The following BIRC2 variants were observed in gnomAD, a reference collection of about 807,000 sequenced individuals.
BIRC2 encodes the protein baculoviral IAP repeat containing 2, also known as baculoviral IAP repeat-containing protein 2.
In BIRC2, 18 loss-of-function variants were observed where a neutral mutation model predicts 60.9. That is an observed-to-expected ratio of 0.30 (90% CI 0.20 to 0.44). BIRC2 has a LOEUF of 0.44. Among genes scored for constraint, BIRC2 ranks in the 20% least tolerant of loss-of-function variants. BIRC2 has a pLI of 1.00. For missense variants in BIRC2, 701 were observed against 728.5 expected, an observed-to-expected ratio of 0.96 and a Z score of 0.43; for synonymous variants, 282 against 247.7, an observed-to-expected ratio of 1.14 and a Z score of -1.30.
chr11:102,360,476 A>C (rs1249005438), intron 3 of BIRC2, among the ~76,000 whole-genome samples: 67 of 149,862 alleles, frequency 4.5e-4, no homozygotes, highest in Non-Finnish European at 2.5e-4. Flanking sequence ...TCAGCTCCCG[A>C]ATTTGTTTCT....
At chr11:102,363,777 C>T in intron 5 of BIRC2, 61 bp downstream of exon 5, 3 of 1,396,820 alleles carry the variant, frequency 2.1e-6, no homozygotes, top group South Asian at 1.2e-5. Context: ...TAGGAATAGG[C>T]TGGGTGCAGT....
intron 3 of BIRC2, among the ~76,000 whole-genome samples, chr11:102,353,002 ATT>A (rs996002150): frequency 6.6e-6 from 1 of 152,160 alleles, no homozygotes; most frequent in Non-Finnish European, 1.5e-5. Flanking sequence ...ATCAAGATAA[ATT>A]TTGACTTTTT....
At position 102,362,882 on chromosome 11, in the gene BIRC2, C is replaced by G. The variant is rs754020380; in HGVS notation, c.996-14C>G. ...GAAACAATTTTAAAAAATAATTTTCCTCATATGTTTTAGGTGTGAGTTCTT... is the reference window on the plus strand; with the variant it reads ...GAAACAATTTTAAAAAATAATTTTCGTCATATGTTTTAGGTGTGAGTTCTT... On this transcript the variant is annotated splice_polypyrimidine_tract_variant and intron_variant, in intron 3 of 8. Coordinates refer to ENST00000227758, the MANE Select transcript of BIRC2 (RefSeq NM_001166.5). The G allele has an allele frequency of 8.1e-6, 13 of 1,597,318 alleles. No individual in the cohort carries two copies. Among genetic ancestry groups the G allele is most frequent in the Middle Eastern group, 1.7e-4 (1 of 6,028 alleles).
intron 1 of BIRC2, chr11:102,347,956 T>A (rs1951311185): frequency 6.6e-6 from 1 of 152,212 alleles, no homozygotes; most frequent in African/African-American, 2.4e-5. Flanking sequence ...ATCTTTCATT[T>A]AAAGATAGGA....
At chr11:102,366,480 C>T (rs1951554230) in intron 5 of BIRC2, among the ~76,000 whole-genome samples, 1 of 151,974 alleles carries the variant, frequency 6.6e-6, no homozygotes, top group South Asian at 2.1e-4. Flanking sequence ...CATTCTCTTG[C>T]CTCAGCCTCC....
At chr11:102,375,838 C>G (rs1377798369) in intron 6 of BIRC2, among the ~76,000 whole-genome samples, 1 of 151,372 alleles carries the variant, frequency 6.6e-6, no homozygotes, top group Non-Finnish European at 1.5e-5. Context: ...ATTTATTCAA[C>G]CAGACATCGG....
chr11:102,369,529 G>A (rs1951599351), intron 6 of BIRC2, among the ~76,000 whole-genome samples: 1 of 149,320 alleles, frequency 6.7e-6, no homozygotes, highest in African/African-American at 2.5e-5. Flanking sequence ...ATTCCATGGT[G>A]TATATGTGCC....
intron 6 of BIRC2, among the ~76,000 whole-genome samples, chr11:102,373,151 C>T (rs1347649144): frequency 3.7e-4 from 56 of 151,382 alleles, no homozygotes; most frequent in African/African-American, 1.2e-3. Context: ...TTAATTGGAG[C>T]ATTTAGTCCA....
intron 3 of BIRC2, among the ~76,000 whole-genome samples, chr11:102,352,719 C>G (rs937552525): frequency 2.0e-5 from 3 of 152,222 alleles, no homozygotes; most frequent in Admixed American, 2.0e-4. Context: ...GCATGAGCCA[C>G]TGCCCCCTGC....
chr11:102,351,023 C>A, intron 3 of BIRC2, 80 bp downstream of exon 3: 1 of 1,307,302 alleles, frequency 7.6e-7, no homozygotes, highest in Non-Finnish European at 1.1e-6. Context: ...TTTTGTTTAC[C>A]TTTAAATTAT....
intron 3 of BIRC2, 98 bp downstream of exon 3, chr11:102,351,041 C>T: frequency 4.6e-6 from 5 of 1,077,254 alleles, no homozygotes; most frequent in Non-Finnish European, 6.8e-6. Flanking sequence ...TATAACAAAG[C>T]CTCTTTTATG....
intron 3 of BIRC2, among the ~76,000 whole-genome samples, chr11:102,351,266 A>G (rs1177336965): frequency 6.6e-6 from 1 of 152,240 alleles, no homozygotes; most frequent in African/African-American, 2.4e-5. Flanking sequence ...CAGGAAAACA[A>G]GAAGGGACAT....
In BIRC2 at chr11:102,349,813, C is replaced by T. The variant is rs1565330019; in HGVS notation, c.-42C>T. 2.0e-6 allele frequency: 3 copies of T among 1,515,814 alleles called. No homozygotes were observed. Among genetic ancestry groups the T allele is most frequent in the Non-Finnish European group, 2.7e-6 (3 of 1,131,274 alleles). 93.9% of individuals were successfully genotyped at this position (1,515,814 alleles called of 1,614,324 possible). On this transcript the variant is annotated 5_prime_UTR_variant, in exon 2 of 9. Coordinates refer to ENST00000227758, the MANE Select transcript of BIRC2 (RefSeq NM_001166.5). Reference sequence around the variant, plus strand: ...AATCTTAGTTCATGTGAAGAAATTTCATGTGAATGTTTTAGCTATCAAACA... The same window carrying T: ...AATCTTAGTTCATGTGAAGAAATTTTATGTGAATGTTTTAGCTATCAAACA...
chr11:102,357,837 G>A (rs529163091), intron 3 of BIRC2, among the ~76,000 whole-genome samples: 1 of 152,030 alleles, frequency 6.6e-6, no homozygotes, highest in African/African-American at 2.4e-5. Context: ...TAAAATTACG[G>A]TGTTTATTTA....
At chr11:102,371,626 C>G (rs1951632617) in intron 6 of BIRC2, among the ~76,000 whole-genome samples, 1 of 148,184 alleles carries the variant, frequency 6.7e-6, no homozygotes, top group Non-Finnish European at 1.5e-5. Context: ...GTCTAAAATT[C>G]TCTTTTTTTG....
At chr11:102,352,102 CTT>C (rs769740458) in intron 3 of BIRC2, among the ~76,000 whole-genome samples, 77 of 137,540 alleles carry the variant, frequency 5.6e-4, no homozygotes, top group African/African-American at 1.7e-3. Flanking sequence ...TTGTCTTTCT[CTT>C]TTTTTTTTTT....
In BIRC2 at chr11:102,368,372, A is replaced by C; in HGVS notation, c.1190A>C (p.Lys397Thr). 1 of 1,614,076 alleles carries C rather than the reference A, an allele frequency of 6.2e-7. No individual in the cohort carries two copies. Among genetic ancestry groups the C allele is most frequent in the Non-Finnish European group, 8.5e-7 (1 of 1,179,974 alleles). Reference protein sequence around the residue: ...DAVMMNTPVVKSALEMGFNRD... With the variant: ...DAVMMNTPVVTSALEMGFNRD... ...GTCATGATGAATACACCTGTGGTTA[A>C]ATCTGCCTTGGAAATGGGCTTTAAT... The change falls in exon 6 of 9, where the codon AAA becomes ACA. Residue 397 changes from lysine (K) to threonine (T), a missense_variant. This residue lies in a region of BIRC2 where 235 missense variants were observed against 208.9 expected (regional missense o/e 1.12). Transcript: ENST00000227758.
At chr11:102,360,770 AGT>A (rs1413590777) in intron 3 of BIRC2, among the ~76,000 whole-genome samples, 1 of 132,922 alleles carries the variant, frequency 7.5e-6, no homozygotes, top group Non-Finnish European at 1.7e-5. Flanking sequence ...ATTACAGATT[AGT>A]GTGTTTTTTT....
chr11:102,369,614 G>A (rs1162709317), intron 6 of BIRC2, among the ~76,000 whole-genome samples: 27 of 144,074 alleles, frequency 1.9e-4, no homozygotes, highest in African/African-American at 2.8e-4. Flanking sequence ...GAATAATGCC[G>A]CAATAAACAT....
Sources: gnomAD v4.1 joint callset for allele counts (sites outside exome capture counted in the v4.1 genomes callset) on GRCh38, gnomAD v4.1.1 for gene constraint, gnomAD v4.1.1 regional missense constraint, MANE v1.5 for transcripts, NCBI Gene and HGNC (gene_info 2026-07-23, HGNC 2026-07-21) for gene names.